Variants in DLG2 observed in about 807,000 individuals in gnomAD.
DLG2 encodes the protein discs large MAGUK scaffold protein 2.
DLG2 carries 45 observed loss-of-function variants against 132.5 expected under a neutral mutation model. The observed-to-expected ratio is 0.34, with a 90% confidence interval of 0.27 to 0.44. DLG2 has a LOEUF of 0.44. Among genes scored for constraint, DLG2 ranks in the 20% least tolerant of loss-of-function variants. The pLI is 1.00. For synonymous variants in DLG2, 424 were observed against 419.6 expected (o/e 1.01, Z -0.13); for missense variants, 1,045 against 1,196.9 (o/e 0.87, Z 1.87).
At chr11:83,892,203 G>C (rs180736916) in intron 15 of DLG2, among the ~76,000 whole-genome samples, 1 of 152,122 alleles carries the variant, frequency 6.6e-6, no homozygotes, top group Non-Finnish European at 1.5e-5. Context: ...AGAAGAAAAA[G>C]TAAGTTGGAA....
At chr11:83,654,316 G>T (rs548442865) in intron 18 of DLG2, among the ~76,000 whole-genome samples, 1 of 152,122 alleles carries the variant, frequency 6.6e-6, no homozygotes, top group Non-Finnish European at 1.5e-5. Context: ...AATTTGATCT[G>T]CCCTCTGCTT....
intron 10 of DLG2, 97 bp downstream of exon 10, chr11:84,098,826 G>T: frequency 7.1e-7 from 1 of 1,412,184 alleles, no homozygotes; most frequent in Non-Finnish European, 9.6e-7. Flanking sequence ...TTCAAGTACA[G>T]AACTTTTGTA....
chr11:85,063,481 A>G (rs1189398665), intron 6 of DLG2, among the ~76,000 whole-genome samples: 1 of 151,826 alleles, frequency 6.6e-6, no homozygotes, highest in Non-Finnish European at 1.5e-5. Flanking sequence ...GGGCTCCTAG[A>G]AATTTTATAT....
chr11:83,583,843 G>A (rs539132975), intron 19 of DLG2, among the ~76,000 whole-genome samples: 1 of 152,232 alleles, frequency 6.6e-6, no homozygotes, highest in South Asian at 2.1e-4. Flanking sequence ...GATTCAAAAT[G>A]CAAAATTCAA....
At chr11:85,495,408 C>T (rs1354371360) in intron 3 of DLG2, among the ~76,000 whole-genome samples, 1 of 151,960 alleles carries the variant, frequency 6.6e-6, no homozygotes, top group Non-Finnish European at 1.5e-5. Context: ...AATACCTAGA[C>T]TCTACAAGGA....
intron 7 of DLG2, among the ~76,000 whole-genome samples, chr11:84,429,871 ATT>A (rs1199072410): frequency 6.6e-6 from 1 of 152,208 alleles, no homozygotes; most frequent in Non-Finnish European, 1.5e-5. Context: ...AAAAAATGCA[ATT>A]AAAGTTTTGT....
chr11:85,038,254 G>C (rs772766481), intron 6 of DLG2, among the ~76,000 whole-genome samples: 9 of 152,058 alleles, frequency 5.9e-5, no homozygotes, highest in Non-Finnish European at 1.0e-4. Flanking sequence ...AATGGATCTT[G>C]TCTTTTTCTG....
At chr11:84,370,572 T>C (rs889231209) in intron 7 of DLG2, among the ~76,000 whole-genome samples, 1 of 152,132 alleles carries the variant, frequency 6.6e-6, no homozygotes, top group Non-Finnish European at 1.5e-5. Flanking sequence ...CAGTGTGTGG[T>C]GTACAGTAGG....
intron 14 of DLG2, among the ~76,000 whole-genome samples, chr11:83,945,171 G>C (rs2083526008): frequency 6.6e-6 from 1 of 152,194 alleles, no homozygotes; most frequent in Non-Finnish European, 1.5e-5. Context: ...AGCCACTCAG[G>C]AGGCTGAGGC....
intron 7 of DLG2, among the ~76,000 whole-genome samples, chr11:84,340,350 C>T (rs1215693319): frequency 6.6e-6 from 1 of 152,094 alleles, no homozygotes; most frequent in Non-Finnish European, 1.5e-5. Flanking sequence ...CAAATCTCCT[C>T]TAGGGAAATA....
At position 84,048,699 on chromosome 11, in the gene DLG2, A is replaced by C. The variant is rs528705400; in HGVS notation, c.919+10616T>G. 6.3e-4 allele frequency among the ~76,000 whole-genome samples: 95 copies of C among 151,794 alleles called. 2 individuals are homozygous for C. Among genetic ancestry groups the C allele is most frequent in the Middle Eastern group, 3.4e-3 (1 of 294 alleles). On this transcript the variant is annotated intron_variant, in intron 11 of 27. Transcript: ENST00000376104. ...GCCAGTAATCAAACCAGTTGTACAAACTTTGTTTTTAGTTTCTACCAGTGG... is the reference window on the plus strand; with the variant it reads ...GCCAGTAATCAAACCAGTTGTACAACCTTTGTTTTTAGTTTCTACCAGTGG...
chr11:85,374,118 A>C (rs2085208524), intron 3 of DLG2, among the ~76,000 whole-genome samples: 1 of 151,538 alleles, frequency 6.6e-6, no homozygotes, highest in South Asian at 2.1e-4. Context: ...GAATTATATG[A>C]AAAAAAAAGC....
intron 7 of DLG2, among the ~76,000 whole-genome samples, chr11:84,262,788 C>T (rs570227203): frequency 6.6e-6 from 1 of 152,224 alleles, no homozygotes; most frequent in African/African-American, 2.4e-5. Flanking sequence ...TTTGGTTTTC[C>T]GTTTCTGAGT....
At chr11:85,549,663 G>A (rs1472908700) in intron 3 of DLG2, among the ~76,000 whole-genome samples, 1 of 152,182 alleles carries the variant, frequency 6.6e-6, no homozygotes, top group Non-Finnish European at 1.5e-5. Context: ...AGATAGGTCA[G>A]CACAAGATAC....
rs188714288 is a variant in DLG2 at position 84,916,071 on chromosome 11, C to T, written c.357+195590G>A. 9.9e-4 allele frequency among the ~76,000 whole-genome samples: 151 copies of T among 152,138 alleles called. 1 individual carries two copies. In the East Asian group the frequency reaches 0.02, roughly 20 times the overall value. On this transcript the variant is annotated intron_variant, in intron 6 of 27. Coordinates refer to ENST00000376104, the MANE Select transcript of DLG2 (RefSeq NM_001142699.3). ...TCAGAGGATTAAGAAGCAGGCCGGG[C>T]GCGGTGGCTCACGCCTGTAATCCCA... is the stretch of plus-strand genomic sequence containing the variant.
intron 7 of DLG2, among the ~76,000 whole-genome samples, chr11:84,352,252 C>T (rs2098580435): frequency 1.3e-5 from 2 of 152,134 alleles, no homozygotes; most frequent in Non-Finnish European, 2.9e-5. Context: ...TCCATTATAG[C>T]TCTACCACAT....
chr11:83,860,457 T>G (rs760232758), intron 16 of DLG2, among the ~76,000 whole-genome samples: 16 of 152,324 alleles, frequency 1.1e-4, no homozygotes, highest in Admixed American at 3.9e-4. Context: ...CGCTGGATTT[T>G]AGACTTGCAT....
At chr11:84,369,250 C>G (rs2098696579) in intron 7 of DLG2, among the ~76,000 whole-genome samples, 1 of 152,006 alleles carries the variant, frequency 6.6e-6, no homozygotes, top group East Asian at 1.9e-4. Flanking sequence ...ATCCCAGCCA[C>G]CACAGTTGGT....
chr11:84,718,555 A>C (rs1327795289), intron 6 of DLG2, among the ~76,000 whole-genome samples: 1 of 152,208 alleles, frequency 6.6e-6, no homozygotes, highest in African/African-American at 2.4e-5. Flanking sequence ...ATTCAACAAC[A>C]TTCTCTACAC....
Sources: gnomAD v4.1 joint callset for allele counts (sites outside exome capture counted in the v4.1 genomes callset) on GRCh38, gnomAD v4.1.1 for gene constraint, MANE v1.5 for transcripts, NCBI Gene and HGNC (gene_info 2026-07-23, HGNC 2026-07-21) for gene names.